Variants in CYB5R3 observed in about 807,000 individuals in gnomAD.
CYB5R3 encodes the protein cytochrome b5 reductase 3.
CYB5R3 carries 28 observed loss-of-function variants against 36.5 expected under a neutral mutation model. The observed-to-expected ratio is 0.77, with a 90% CI of 0.57 to 1.05. The LOEUF (loss-of-function observed/expected upper bound fraction) is 1.05, where lower values mean the gene tolerates loss of function less well. Among genes scored for constraint, CYB5R3 ranks in the 50% least tolerant of loss-of-function variants. The probability of loss-of-function intolerance (pLI) is 0.00; values close to 1 mark genes in which losing one functional copy is unlikely to be tolerated. For synonymous variants in CYB5R3, 181 were observed against 159.8 expected, an observed-to-expected ratio of 1.13 and a Z score of -1.00; for missense variants, 474 against 408.9, an observed-to-expected ratio of 1.16 and a Z score of -1.37.
chr22:42,620,064 A>C, intron 8 of CYB5R3, 119 bp from the exon 9 acceptor site: 1 of 1,024,750 alleles, frequency 9.8e-7, no homozygotes, highest in Non-Finnish European at 1.5e-6. Flanking sequence ...TGATCCCAGC[A>C]AACTGTCACC....
Position 42,619,227 on chromosome 22 carries a change from C to A in CYB5R3, c.*546G>T. On this transcript the variant is annotated 3_prime_UTR_variant, in exon 9 of 9. Coordinates refer to ENST00000352397, the MANE Select transcript of CYB5R3 (RefSeq NM_000398.7). ...TCTAGCCAGAGGAGAGCCAAGCTCC[C>A]GGCTGGCCAGGGCCCTGGGGTAGGG... 1 of 156,226 alleles carries A rather than the reference C, an allele frequency of 6.4e-6. No individual in the cohort carries two copies. The highest frequency in any genetic ancestry group is 6.1e-5 in the Admixed American group (1 of 16,274). 9.7% of individuals were successfully genotyped at this position (156,226 alleles called of 1,614,324 possible).
rs746648738 is a variant in CYB5R3, at chr22:42,640,150, G to T, written c.22-3304C>A. 7 of 1,613,430 alleles carry T rather than the reference G, an allele frequency of 4.3e-6. No homozygotes were observed. The South Asian group carries it at 5.5e-5, about 13-fold the overall frequency. The stretch of plus-strand genomic sequence containing the variant: ...AATAGCTCTAGGGATCTCAGCAGGG[G>T]TGGGAGGAACCAGCTCAACCGTGGT... On this transcript the variant is annotated intron_variant, in intron 1 of 8. Transcript: ENST00000352397.
Position 42,636,723 on chromosome 22 carries a change from C to G in CYB5R3, c.145G>C (p.Asp49His), listed in dbSNP as rs144467449. The change falls in exon 2 of 9, where the codon GAC becomes CAC. Residue 49 changes from aspartate (D) to histidine (H), a missense_variant. Physicochemically the swap from Asp to His is moderately conservative, Grantham distance 81. Transcript: ENST00000352397. Reference sequence around the variant, plus strand: ...CGGCGGCCGGCACTCACCTCCCGGTCGATGAGCCGCAGCGGGTACTTGATG... The same window carrying G: ...CGGCGGCCGGCACTCACCTCCCGGTGGATGAGCCGCAGCGGGTACTTGATG... ...PDIKYPLRLI[D>H]REIISHDTRR... 1.5e-3 allele frequency: 2,467 copies of G among 1,611,986 alleles called. 2 individuals are homozygous for G. Among genetic ancestry groups the G allele is most frequent in the Non-Finnish European group, 2.0e-3 (2,388 of 1,179,824 alleles).
chr22:42,627,289 G>C lies in CYB5R3; in HGVS notation c.633+15C>G, dbSNP rs201255712. ...GGGTAAGCTGAGTTTCCCCATCATGGGGATGCCCACTGACCTGGTTGGCAA... is the reference window on the plus strand; with the variant it reads ...GGGTAAGCTGAGTTTCCCCATCATGCGGATGCCCACTGACCTGGTTGGCAA... On this transcript the variant is annotated intron_variant, in intron 7 of 8. Transcript: ENST00000352397. 1 of 1,612,202 alleles carries C rather than the reference G, an allele frequency of 6.2e-7. No homozygotes were observed. The highest frequency in any genetic ancestry group is 1.3e-5 in the African/African-American group (1 of 75,018).
intron 4 of CYB5R3, among the ~76,000 whole-genome samples, chr22:42,630,365 G>A (rs113418872): frequency 1.3e-5 from 2 of 152,184 alleles, no homozygotes; most frequent in African/African-American, 2.4e-5. Context: ...CAGGGCCTGC[G>A]TGTCACAGAG....
chr22:42,641,675 G>A lies in CYB5R3; in HGVS notation c.22-4829C>T, dbSNP rs932781353. On this transcript the variant is annotated intron_variant, in intron 1 of 8. Transcript: ENST00000352397. Reference sequence around the variant, plus strand: ...TAATTTTTGTATCATTAGTAGAGACGAGTTTTCATCATGTTGGCCAGGCTG... The same window carrying A: ...TAATTTTTGTATCATTAGTAGAGACAAGTTTTCATCATGTTGGCCAGGCTG... 2.6e-5 allele frequency among the ~76,000 whole-genome samples: 4 copies of A among 152,064 alleles called. No homozygotes were observed. The East Asian group carries it at 7.7e-4, about 29-fold the overall frequency.
In CYB5R3 at chr22:42,649,329, CG is replaced by C; in HGVS notation, c.-15del. ...CTGGGCCCCCATGGTGGCCCCGCGC[CG>C]CGCTCGCTCTGTCGCCGCCGCCGCC... On this transcript the variant is annotated 5_prime_UTR_variant, in exon 1 of 9. Transcript: ENST00000352397. 2 of 1,010,226 alleles carry C rather than the reference CG, an allele frequency of 2.0e-6. No homozygotes were observed. Among genetic ancestry groups the C allele is most frequent in the Non-Finnish European group, 2.4e-6 (2 of 837,520 alleles). 62.6% of individuals were successfully genotyped at this position (1,010,226 alleles called of 1,614,324 possible).
At chr22:42,634,864 A>G (rs5758821) in intron 2 of CYB5R3, among the ~76,000 whole-genome samples, 78,015 of 122,326 alleles carry the variant, frequency 0.64, 22,893 homozygotes, top group East Asian at 0.86. Flanking sequence ...GAGTGCAGTG[A>G]CACGATCTCG....
At chr22:42,644,702 G>C (rs1246408963) in intron 1 of CYB5R3, 1 of 980,404 alleles carries the variant, frequency 1.0e-6, no homozygotes, top group Non-Finnish European at 1.2e-6. Flanking sequence ...TAGAGTCTAG[G>C]GAAAAAGTTG....
intron 1 of CYB5R3, among the ~76,000 whole-genome samples, chr22:42,642,939 C>G (rs1389408963): frequency 6.6e-6 from 1 of 152,218 alleles, no homozygotes. Context: ...TATCATTACC[C>G]TACAAGTTCC....
chr22:42,637,772 GA>G (rs1471598794), intron 1 of CYB5R3, among the ~76,000 whole-genome samples: 1 of 152,206 alleles, frequency 6.6e-6, no homozygotes, highest in Non-Finnish European at 1.5e-5. Context: ...CGCAGATGAG[GA>G]AACAGCCCAG....
rs778184723 is a variant in CYB5R3, at chr22:42,630,903, G to A, written c.312C>T (p.Gly104=). ...TCACCTTGATGACCAGGTCCACGAAGCCCTTGTCATCATCGCTGGAGATGG... is the reference window on the plus strand; with the variant it reads ...TCACCTTGATGACCAGGTCCACGAAACCCTTGTCATCATCGCTGGAGATGG... ...YTPISSDDDK[G]FVDLVIKVYF... Residue 104 remains glycine (G), a synonymous_variant, in exon 4 of 9, where the codon GGC becomes GGT. Coordinates refer to ENST00000352397, the MANE Select transcript of CYB5R3 (RefSeq NM_000398.7). 1.2e-5 allele frequency: 20 copies of A among 1,613,590 alleles called. No homozygotes were observed. Among genetic ancestry groups the A allele is most frequent in the Non-Finnish European group, 1.6e-5 (19 of 1,179,858 alleles).
chr22:42,633,714 T>C (rs1928734880), intron 2 of CYB5R3, among the ~76,000 whole-genome samples: 1 of 152,028 alleles, frequency 6.6e-6, no homozygotes, highest in South Asian at 2.1e-4. Flanking sequence ...ACCTGGGAAG[T>C]GGAGGTTGCG....
chr22:42,635,957 G>A (rs1601942281), intron 2 of CYB5R3, among the ~76,000 whole-genome samples: 1 of 152,358 alleles, frequency 6.6e-6, no homozygotes, highest in Middle Eastern at 3.4e-3. Flanking sequence ...GCTCATGCCT[G>A]TAATCCCAAC....
At chr22:42,644,685 C>T (rs1444448643) in intron 1 of CYB5R3, 4 of 984,794 alleles carry the variant, frequency 4.1e-6, no homozygotes, top group African/African-American at 1.7e-5. Flanking sequence ...ACCACGCCCA[C>T]GTGGAATAGA....
rs200731823 is a variant in CYB5R3 at position 42,627,618 on chromosome 22, G to C, written c.534C>G (p.Ile178Met). The change falls in exon 6 of 9, where the codon ATC becomes ATG. Residue 178 changes from isoleucine to methionine, a missense_variant. Coordinates refer to ENST00000352397, the MANE Select transcript of CYB5R3 (RefSeq NM_000398.7). ...IIRTVKSVGM[I>M]AGGTGITPML... is the part of the protein sequence containing the mutation. ...GGTTCCGTGTACCTGTCCCTCCCGCGATCATGCCCACAGACTTCACTGTCC... is the reference window on the plus strand; with the variant it reads ...GGTTCCGTGTACCTGTCCCTCCCGCCATCATGCCCACAGACTTCACTGTCC... The C allele has an allele frequency of 3.7e-6, 6 of 1,614,070 alleles. No individual in the cohort carries two copies. Among genetic ancestry groups the C allele is most frequent in the Non-Finnish European group, 5.1e-6 (6 of 1,179,944 alleles).
chr22:42,623,194 G>T (rs73173089), intron 8 of CYB5R3, among the ~76,000 whole-genome samples: 2 of 152,320 alleles, frequency 1.3e-5, no homozygotes, highest in Middle Eastern at 3.4e-3. Context: ...ATCTGAAGCC[G>T]AAAAGGGAAG....
At chr22:42,623,935 G>T in intron 7 of CYB5R3, 47 bp from the exon 8 acceptor site, 1 of 1,527,772 alleles carries the variant, frequency 6.5e-7, no homozygotes, top group Non-Finnish European at 9.1e-7. Flanking sequence ...GTGGCAGACT[G>T]CCCCTGGAGA....
chr22:42,640,101 A>T (rs2146901767), intron 1 of CYB5R3: 2 of 1,613,006 alleles, frequency 1.2e-6, no homozygotes, highest in Non-Finnish European at 1.7e-6. Flanking sequence ...TCTGAGCACT[A>T]CTGACTATTT....
Sources: gnomAD v4.1 joint callset for allele counts (sites outside exome capture counted in the v4.1 genomes callset) on GRCh38, gnomAD v4.1.1 for gene constraint, MANE v1.5 for transcripts, NCBI Gene and HGNC (gene_info 2026-07-23, HGNC 2026-07-21) for gene names.